The following MAP3K13 variants were observed in gnomAD, a reference collection of about 807,000 sequenced individuals.
MAP3K13 encodes the protein leucine zipper-bearing kinase.
Under a neutral mutation model 104.0 loss-of-function variants are expected in MAP3K13, and 52 were observed. The ratio of observed to expected loss-of-function variants is 0.50; its 90% CI spans 0.40 to 0.63. The LOEUF is 0.63. Ranked by LOEUF, MAP3K13 falls within the 20% of genes least tolerant of loss-of-function variation. The pLI, the probability that MAP3K13 is intolerant of heterozygous loss-of-function variation, is 0.00. For missense variants in MAP3K13, 914 were observed against 1,218.5 expected (o/e 0.75, Z 3.72); for synonymous variants, 394 against 442.2 (o/e 0.89, Z 1.37).
At chr3:185,366,916 A>G (rs1258789437) in intron 1 of MAP3K13, among the ~76,000 whole-genome samples, 1 of 152,178 alleles carries the variant, frequency 6.6e-6, no homozygotes, top group East Asian at 1.9e-4. Context: ...TGTTTATGGT[A>G]TAAAAATTTT....
intron 7 of MAP3K13, among the ~76,000 whole-genome samples, chr3:185,453,708 G>A (rs1264566643): frequency 6.7e-6 from 1 of 150,088 alleles, no homozygotes; most frequent in Non-Finnish European, 1.5e-5. Flanking sequence ...GGCGGAGGAT[G>A]CAGTGAGCTG....
chr3:185,335,397 G>A (rs892663761), intron 2 of MAP3K13, among the ~76,000 whole-genome samples: 6 of 152,156 alleles, frequency 3.9e-5, no homozygotes, highest in Admixed American at 1.3e-4. Flanking sequence ...TGCCCAAAGA[G>A]CTGTGATTAC....
At chr3:185,369,094 G>C (rs1005060300) in intron 1 of MAP3K13, among the ~76,000 whole-genome samples, 1 of 152,144 alleles carries the variant, frequency 6.6e-6, no homozygotes, top group Non-Finnish European at 1.5e-5. Flanking sequence ...GAATAAAACA[G>C]ACAAAAATTG....
At chr3:185,415,528 A>G (rs1291198042) in intron 1 of MAP3K13, among the ~76,000 whole-genome samples, 1 of 150,950 alleles carries the variant, frequency 6.6e-6, no homozygotes, top group East Asian at 1.9e-4. Context: ...AATCAATGAA[A>G]TCATCTCCTA....
At chr3:185,458,354 C>T (rs527493755) in intron 7 of MAP3K13, among the ~76,000 whole-genome samples, 69 of 117,316 alleles carry the variant, frequency 5.9e-4, no homozygotes, top group South Asian at 3.3e-3. Flanking sequence ...GGCAATAGAG[C>T]GAGACCCCAT....
At chr3:185,406,641 T>C (rs1713128351) in intron 1 of MAP3K13, among the ~76,000 whole-genome samples, 1 of 152,246 alleles carries the variant, frequency 6.6e-6, no homozygotes, top group Non-Finnish European at 1.5e-5. Flanking sequence ...GTATTGTAGA[T>C]GGCTTAATTT....
At chr3:185,311,546 A>G (rs1010347012) in intron 2 of MAP3K13, among the ~76,000 whole-genome samples, 6 of 152,188 alleles carry the variant, frequency 3.9e-5, no homozygotes, top group Non-Finnish European at 8.8e-5. Context: ...TGTGTCTACC[A>G]TAAGCCCCAA....
intron 1 of MAP3K13, among the ~76,000 whole-genome samples, chr3:185,388,293 G>T (rs1711815322): frequency 6.6e-6 from 1 of 152,044 alleles, no homozygotes; most frequent in Non-Finnish European, 1.5e-5. Context: ...CTTGAGTCCT[G>T]GAGTTCCAGA....
Position 185,485,417 on chromosome 3 carries a change from A to C in MAP3K13, c.*2961A>C, listed in dbSNP as rs1201469785. ...AGTTACGCTCAACAGCAGTCCAAAA[A>C]TATTTGATGGAACATTCCAGAAATA... On this transcript the variant is annotated 3_prime_UTR_variant, in exon 14 of 14. Transcript: ENST00000265026. 2 of 152,212 alleles carry C rather than the reference A, an allele frequency of 1.3e-5. No individual in the cohort carries two copies. The highest frequency in any genetic ancestry group is 2.4e-5 in the African/African-American group (1 of 41,440). The allele number at this position is 152,212 out of a possible 1,614,324, so 9.4% of individuals were successfully genotyped here. A position where few individuals can be genotyped will look rare whatever the true frequency, so the allele number is the denominator to read the frequency against.
Position 185,473,051 on chromosome 3 carries a change from A to C in MAP3K13, c.1720A>C (p.Lys574Gln). The stretch of plus-strand genomic sequence containing the variant: ...TGCATCCCCTTTGTCCGGAAGTCCC[A>C]AAATGTCCACTTCTAGCAGCAAGAG... ...PTASPLSGSPKMSTSSSKSRY... is the reference protein window; with the variant it reads ...PTASPLSGSPQMSTSSSKSRY... The change falls in exon 11 of 14, where the codon AAA (lysine) becomes CAA (glutamine). Residue 574 changes from lysine (K) to glutamine (Q), a missense_variant. This residue lies in a region of MAP3K13 where 583 missense variants were observed against 737.4 expected (regional missense o/e 0.79). Coordinates refer to ENST00000265026, the MANE Select transcript of MAP3K13 (RefSeq NM_004721.5). The surrounding 1 kb of genome is among the most constrained non-coding windows in gnomAD (Gnocchi z 4.9). 1 of 1,614,204 alleles carries C rather than the reference A, an allele frequency of 6.2e-7. No individual in the cohort carries two copies.
intron 1 of MAP3K13, among the ~76,000 whole-genome samples, chr3:185,397,191 C>T (rs1577507132): frequency 6.6e-6 from 1 of 152,212 alleles, no homozygotes; most frequent in African/African-American, 2.4e-5. Context: ...TTGAGCATTT[C>T]CAGTGATGGA....
intron 1 of MAP3K13, among the ~76,000 whole-genome samples, chr3:185,374,764 T>G (rs1724342534): frequency 6.6e-6 from 1 of 152,084 alleles, no homozygotes; most frequent in African/African-American, 2.4e-5. Flanking sequence ...TCCCCCTTTT[T>G]TTTTAGCAGT....
chr3:185,376,239 A>G (rs995136563), intron 1 of MAP3K13, among the ~76,000 whole-genome samples: 3 of 150,650 alleles, frequency 2.0e-5, no homozygotes, highest in African/African-American at 7.3e-5. Flanking sequence ...TAACTGTGGG[A>G]GACTCAACAA....
intron 7 of MAP3K13, among the ~76,000 whole-genome samples, chr3:185,456,077 C>G (rs779412429): frequency 2.0e-5 from 3 of 150,206 alleles, no homozygotes; most frequent in Non-Finnish European, 3.0e-5. Flanking sequence ...TCTGTGGTGT[C>G]TGATACACAG....
rs539412401 is a variant in MAP3K13, at chr3:185,382,951, G to A, written c.-86+19583G>A. On this transcript the variant is annotated intron_variant, in intron 1 of 13. Transcript: ENST00000265026. ...GTGTATACATGTGCCATGCTGGTGCGCTGCACCCACTAACTCGTCATCTAG... is the reference window on the plus strand; with the variant it reads ...GTGTATACATGTGCCATGCTGGTGCACTGCACCCACTAACTCGTCATCTAG... Among the ~76,000 whole-genome samples the A allele has an allele frequency of 7.3e-5, 11 of 151,660 alleles. No homozygotes were observed. In the East Asian group the frequency reaches 1.4e-3, roughly 19 times the overall value.
intron 1 of MAP3K13, among the ~76,000 whole-genome samples, chr3:185,387,928 TA>T (rs1711792462): frequency 6.6e-6 from 1 of 152,096 alleles, no homozygotes; most frequent in Non-Finnish European, 1.5e-5. Flanking sequence ...AAGACTTCAC[TA>T]AAAAACTCAC....
In MAP3K13 at chr3:185,443,651, T is replaced by G. The variant is rs1415354065; in HGVS notation, c.851+15T>G. 6.2e-7 allele frequency: 1 copy of G among 1,603,764 alleles called. No homozygotes were observed. Among genetic ancestry groups the G allele is most frequent in the Non-Finnish European group, 8.5e-7 (1 of 1,172,422 alleles). ...AAATCACCTAAGTGAGTTCTGGGGC[T>G]AATGTTTCAGCTATTTTGGTTTGTT... On this transcript the variant is annotated intron_variant, in intron 4 of 13. Coordinates refer to ENST00000265026, the MANE Select transcript of MAP3K13 (RefSeq NM_004721.5).
At chr3:185,392,097 A>G (rs746285289) in intron 1 of MAP3K13, among the ~76,000 whole-genome samples, 1 of 152,190 alleles carries the variant, frequency 6.6e-6, no homozygotes, top group Non-Finnish European at 1.5e-5. Context: ...AAACAATAGC[A>G]GGTTTGAACA....
At chr3:185,338,327 C>CAAAAA (rs72043151) in intron 2 of MAP3K13, among the ~76,000 whole-genome samples, 4 of 54,692 alleles carry the variant, frequency 7.3e-5, no homozygotes, top group Non-Finnish European at 8.1e-5. Context: ...GAGACTCTCT[C>CAAAAA]AAAAAAAAAA....
Sources: gnomAD v4.1 joint callset for allele counts (sites outside exome capture counted in the v4.1 genomes callset) on GRCh38, gnomAD v4.1.1 for gene constraint, gnomAD v4.1.1 regional missense constraint, Gnocchi (gnomAD v3.1) non-coding constraint, MANE v1.5 for transcripts, NCBI Gene and HGNC (gene_info 2026-07-23, HGNC 2026-07-21) for gene names.